The following MCU variants were observed in gnomAD, a reference collection of about 807,000 sequenced individuals.
MCU encodes the protein calcium uniporter protein, mitochondrial.
Under a neutral mutation model 45.2 loss-of-function variants are expected in MCU, and 12 were observed. That is an observed-to-expected ratio of 0.27 (90% CI 0.17 to 0.43). MCU has a LOEUF of 0.43. MCU is among the 20% of genes least tolerant of loss of function. MCU has a pLI of 1.00. For synonymous variants in MCU, 160 were observed against 165.1 expected, an observed-to-expected ratio of 0.97 and a Z score of 0.24; for missense variants, 324 against 436.7, an observed-to-expected ratio of 0.74 and a Z score of 2.30.
chr10:72,770,836 G>A (rs561882787), intron 1 of MCU, among the ~76,000 whole-genome samples: 1 of 152,056 alleles, frequency 6.6e-6, no homozygotes, highest in South Asian at 2.1e-4. Context: ...TTTTTAAATA[G>A]TTAATATAGA....
chr10:72,879,891 T>C (rs1009267332), intron 6 of MCU, among the ~76,000 whole-genome samples: 19 of 151,798 alleles, frequency 1.3e-4, no homozygotes, highest in African/African-American at 4.4e-4. Flanking sequence ...ATTAAAAATA[T>C]AAAAAAATCA....
intron 1 of MCU, among the ~76,000 whole-genome samples, chr10:72,825,846 GTGTGT>G (rs762801256): frequency 6.6e-6 from 1 of 152,146 alleles, no homozygotes; most frequent in Non-Finnish European, 1.5e-5. Context: ...GCCTTACAAT[GTGTGT>G]TGTATAACCC....
intron 1 of MCU, among the ~76,000 whole-genome samples, chr10:72,832,601 T>C (rs1844894295): frequency 6.6e-6 from 1 of 152,198 alleles, no homozygotes; most frequent in Admixed American, 6.5e-5. Context: ...TTAACAAGAT[T>C]CTTTGGAAAA....
intron 2 of MCU, among the ~76,000 whole-genome samples, chr10:72,838,660 G>T (rs1367335699): frequency 6.6e-6 from 1 of 152,104 alleles, no homozygotes; most frequent in Non-Finnish European, 1.5e-5. Flanking sequence ...GAGTGAGAGA[G>T]AATTGCTAGA....
At chr10:72,717,149 G>A (rs1369078829) in intron 1 of MCU, among the ~76,000 whole-genome samples, 1 of 143,642 alleles carries the variant, frequency 7.0e-6, no homozygotes, top group Non-Finnish European at 1.5e-5. Context: ...TTTTGCCCCT[G>A]AAGTAAAAGC....
At chr10:72,815,352 T>C (rs1844609237) in intron 1 of MCU, among the ~76,000 whole-genome samples, 1 of 152,182 alleles carries the variant, frequency 6.6e-6, no homozygotes, top group Non-Finnish European at 1.5e-5. Flanking sequence ...TTTAGAGGTA[T>C]AATAGGAGAA....
At chr10:72,828,972 G>A (rs1811249905) in intron 1 of MCU, among the ~76,000 whole-genome samples, 1 of 152,096 alleles carries the variant, frequency 6.6e-6, no homozygotes, top group African/African-American at 2.4e-5. Context: ...TAAACTTGCT[G>A]TTTCTTTTCA....
At chr10:72,803,851 A>G (rs950674683) in intron 1 of MCU, among the ~76,000 whole-genome samples, 2 of 151,060 alleles carry the variant, frequency 1.3e-5, no homozygotes, top group Admixed American at 6.6e-5. Context: ...ATCTAAAAAT[A>G]TTAACAGTAT....
chr10:72,763,563 T>G (rs1843684805), intron 1 of MCU, among the ~76,000 whole-genome samples: 1 of 152,140 alleles, frequency 6.6e-6, no homozygotes, highest in East Asian at 1.9e-4. Context: ...AAATGGTAGC[T>G]TGGGGATGAG....
At chr10:72,695,640 A>G (rs1842676416) in intron 1 of MCU, among the ~76,000 whole-genome samples, 1 of 152,198 alleles carries the variant, frequency 6.6e-6, no homozygotes, top group African/African-American at 2.4e-5. Context: ...GAGGAAACCT[A>G]ATAAACTGAG....
intron 1 of MCU, among the ~76,000 whole-genome samples, chr10:72,728,522 A>T (rs953050864): frequency 7.9e-5 from 12 of 152,210 alleles, no homozygotes; most frequent in Admixed American, 6.5e-4. Flanking sequence ...CCATGTAAAG[A>T]TACGAGTGAA....
intron 1 of MCU, among the ~76,000 whole-genome samples, chr10:72,714,158 G>A (rs912066628): frequency 6.6e-6 from 1 of 151,344 alleles, no homozygotes; most frequent in African/African-American, 2.4e-5. Flanking sequence ...GTAGCGATGG[G>A]GTTTCACCAT....
intron 1 of MCU, among the ~76,000 whole-genome samples, chr10:72,814,001 A>G (rs904922680): frequency 6.6e-6 from 1 of 152,184 alleles, no homozygotes; most frequent in Non-Finnish European, 1.5e-5. Flanking sequence ...CCTAGACCCA[A>G]AGAATTTTAA....
chr10:72,711,458 T>C (rs1016449483), intron 1 of MCU, among the ~76,000 whole-genome samples: 1 of 151,506 alleles, frequency 6.6e-6, no homozygotes, highest in African/African-American at 2.4e-5. Flanking sequence ...TGACCTCAAG[T>C]GATCTGCCTG....
At chr10:72,848,924 G>T (rs1845163531) in intron 2 of MCU, among the ~76,000 whole-genome samples, 1 of 152,072 alleles carries the variant, frequency 6.6e-6, no homozygotes. Flanking sequence ...AAGAGATGGT[G>T]GTGGCCTGGA....
At chr10:72,800,161 A>G (rs1359692711) in intron 1 of MCU, among the ~76,000 whole-genome samples, 2 of 152,176 alleles carry the variant, frequency 1.3e-5, no homozygotes, top group Non-Finnish European at 2.9e-5. Flanking sequence ...AGTGCCTTCC[A>G]GTTGCGATGT....
chr10:72,698,002 A>C (rs1264376100), intron 1 of MCU, among the ~76,000 whole-genome samples: 5 of 150,392 alleles, frequency 3.3e-5, no homozygotes, highest in Non-Finnish European at 7.4e-5. Context: ...CTGGTTTCTT[A>C]ACTCCTGGCT....
chr10:72,797,095 G>A (rs568502494), intron 1 of MCU, among the ~76,000 whole-genome samples: 1 of 152,158 alleles, frequency 6.6e-6, no homozygotes, highest in Admixed American at 6.5e-5. Flanking sequence ...ACTAGGTTAA[G>A]TAGCCTCATT....
chr10:72,742,045 A>C lies in MCU; in HGVS notation c.150+49744A>C, dbSNP rs12778292. Among the ~76,000 whole-genome samples the C allele has an allele frequency of 2.9e-4, 40 of 137,936 alleles. 1 individual carries two copies. In the South Asian group the frequency reaches 4.3e-3, roughly 15 times the overall value. The allele number at this position is 137,936 out of a possible 152,430, so 90.5% of individuals were successfully genotyped here. On this transcript the variant is annotated intron_variant, in intron 1 of 7. Transcript: ENST00000373053. ...CTCAAAAAAAAAAAAAAAAAAAAAA[A>C]CAAAAACGACATTGCAGTCAACCAT...
Sources: gnomAD v4.1 joint callset for allele counts (sites outside exome capture counted in the v4.1 genomes callset) on GRCh38, gnomAD v4.1.1 for gene constraint, MANE v1.5 for transcripts, NCBI Gene and HGNC (gene_info 2026-07-23, HGNC 2026-07-21) for gene names.